The following SNX16 variants were observed in gnomAD, a reference collection of about 807,000 sequenced individuals.
The protein encoded by SNX16 is sorting nexin 16, also known as sorting nexin-16.
Under a neutral mutation model 36.7 loss-of-function variants are expected in SNX16, and 35 were observed. That is an observed-to-expected ratio of 0.95 (90% CI 0.73 to 1.27). SNX16 has a LOEUF of 1.27. SNX16 is among the 50% of genes most tolerant of loss of function. The pLI, the probability that SNX16 is intolerant of heterozygous loss-of-function variation, is 0.00. For synonymous variants in SNX16, 134 were observed against 132.0 expected, an observed-to-expected ratio of 1.02 and a Z score of -0.10; for missense variants, 367 against 393.6, an observed-to-expected ratio of 0.93 and a Z score of 0.57.
At chr8:81,815,488 A>C (rs1270832352) in intron 4 of SNX16, 94 bp from the exon 5 acceptor site, 5 of 929,536 alleles carry the variant, frequency 5.4e-6, no homozygotes, top group Non-Finnish European at 8.1e-6. Context: ...ACAGTGTTTT[A>C]AACAAGTTGG....
intron 5 of SNX16, among the ~76,000 whole-genome samples, chr8:81,805,309 A>G (rs1809879831): frequency 6.6e-6 from 1 of 152,166 alleles, no homozygotes; most frequent in South Asian, 2.1e-4. Context: ...AATATAAAAT[A>G]TGAACGAGAA....
intron 3 of SNX16, among the ~76,000 whole-genome samples, chr8:81,827,507 T>A (rs1011272038): frequency 2.0e-5 from 3 of 152,170 alleles, no homozygotes; most frequent in African/African-American, 7.2e-5. Context: ...ATTATAGATT[T>A]CAAATTCATC....
At chr8:81,837,267 T>C (rs2130768922) in intron 2 of SNX16, among the ~76,000 whole-genome samples, 1 of 152,348 alleles carries the variant, frequency 6.6e-6, no homozygotes, top group South Asian at 2.1e-4. Flanking sequence ...ATTAAAAAAA[T>C]GTTGAGTTAA....
intron 2 of SNX16, among the ~76,000 whole-genome samples, chr8:81,839,124 G>C (rs542379931): frequency 2.6e-5 from 4 of 152,182 alleles, no homozygotes; most frequent in Admixed American, 2.0e-4. Context: ...GGATCAACTG[G>C]AACTCTTATA....
rs1275685640 is a variant in SNX16, at chr8:81,801,585, T to C, written c.947A>G (p.Asn316Ser). 2 of 1,556,370 alleles carry C rather than the reference T, an allele frequency of 1.3e-6. No individual in the cohort carries two copies. Among genetic ancestry groups the C allele is most frequent in the Admixed American group, 3.8e-5 (2 of 53,102 alleles). The change falls in exon 8 of 8, where the codon AAT becomes AGT. Residue 316 changes from asparagine to serine, a missense_variant. Asn to Ser is a conservative substitution (Grantham distance 46). Coordinates refer to ENST00000345957, the MANE Select transcript of SNX16 (RefSeq NM_152836.3). ...TTCACTAAAACTTAAGCATGGTTTA[T>C]TATCAGCTCTGCAAAAAAAAAAAAA... ...DVLDEESRAD[N>S]KPCLSFSEPE...
chr8:81,824,039 G>A, intron 3 of SNX16, 99 bp from the exon 4 acceptor site: 2 of 1,125,016 alleles, frequency 1.8e-6, no homozygotes, highest in Non-Finnish European at 2.5e-6. Flanking sequence ...CATGAAATAA[G>A]TTTAAAATAA....
chr8:81,805,878 G>A (rs371068751), intron 5 of SNX16, among the ~76,000 whole-genome samples: 13 of 151,908 alleles, frequency 8.6e-5, no homozygotes, highest in African/African-American at 1.7e-4. Context: ...CCGAAATAGC[G>A]CCACTGCACT....
intron 3 of SNX16, among the ~76,000 whole-genome samples, chr8:81,828,399 T>C (rs1273045739): frequency 2.0e-5 from 3 of 152,196 alleles, no homozygotes; most frequent in African/African-American, 4.8e-5. Flanking sequence ...TTAAGTGTTT[T>C]CCAGGTTTAT....
intron 2 of SNX16, 86 bp downstream of exon 2, chr8:81,839,526 G>A (rs933019991): frequency 3.2e-6 from 4 of 1,265,372 alleles, no homozygotes; most frequent in Admixed American, 2.3e-5. Context: ...ATAAGTACAA[G>A]TTTACATTAA....
rs1811655418 is a variant in SNX16 at position 81,839,808 on chromosome 8, T to C, written c.179A>G (p.Gln60Arg). 1 of 1,613,740 alleles carries C rather than the reference T, an allele frequency of 6.2e-7. No individual in the cohort carries two copies. The highest frequency in any genetic ancestry group is 2.2e-5 in the East Asian group (1 of 44,860). The change falls in exon 2 of 8, where the codon CAA becomes CGA. Residue 60 changes from glutamine to arginine, a missense_variant. Coordinates refer to ENST00000345957, the MANE Select transcript of SNX16 (RefSeq NM_152836.3). ...ACAGACAGATGAAGTATTATCCATTTGATCAGGAACACTTGTCTGTTTAAA... is the reference window on the plus strand; with the variant it reads ...ACAGACAGATGAAGTATTATCCATTCGATCAGGAACACTTGTCTGTTTAAA... The part of the protein sequence containing the change: ...GNFKQTSVPD[Q>R]MDNTSSVCSS...
chr8:81,826,416 A>G (rs190960930), intron 3 of SNX16, among the ~76,000 whole-genome samples: 233 of 152,212 alleles, frequency 1.5e-3, no homozygotes, highest in Non-Finnish European at 2.5e-3. Flanking sequence ...GAGAACAGTA[A>G]TTTTACCTCA....
chr8:81,830,519 T>C (rs1239683055), intron 2 of SNX16, among the ~76,000 whole-genome samples: 1 of 143,366 alleles, frequency 7.0e-6, no homozygotes, highest in African/African-American at 2.6e-5. Context: ...TGCAGTGAGC[T>C]GACATTGCAC....
chr8:81,817,245 T>C (rs1182554130), intron 4 of SNX16, among the ~76,000 whole-genome samples: 1 of 152,232 alleles, frequency 6.6e-6, no homozygotes, highest in East Asian at 1.9e-4. Flanking sequence ...CCTCATACTT[T>C]AATGTTGCTT....
At chr8:81,822,726 C>A (rs540471301) in intron 4 of SNX16, among the ~76,000 whole-genome samples, 1 of 151,964 alleles carries the variant, frequency 6.6e-6, no homozygotes, top group South Asian at 2.1e-4. Context: ...AGTCTGCATA[C>A]TAAACTTTCA....
intron 2 of SNX16, among the ~76,000 whole-genome samples, chr8:81,838,539 T>C (rs768211766): frequency 6.6e-6 from 1 of 151,284 alleles, no homozygotes; most frequent in Non-Finnish European, 1.5e-5. Flanking sequence ...GAGAGTGGTC[T>C]TTCAAATAAA....
intron 2 of SNX16, among the ~76,000 whole-genome samples, chr8:81,833,060 G>T (rs1324055593): frequency 1.3e-5 from 2 of 151,406 alleles, no homozygotes; most frequent in African/African-American, 4.9e-5. Flanking sequence ...TGTGAAAAAA[G>T]ATGTAAACAG....
At chr8:81,821,597 TTC>T (rs1415286236) in intron 4 of SNX16, among the ~76,000 whole-genome samples, 1 of 152,092 alleles carries the variant, frequency 6.6e-6, no homozygotes, top group Non-Finnish European at 1.5e-5. Flanking sequence ...CACTAATCTT[TTC>T]TCTTTTTTCT....
chr8:81,829,406 G>C (rs777606675), intron 3 of SNX16, 24 bp downstream of exon 3: 87 of 1,097,172 alleles, frequency 7.9e-5, no homozygotes, highest in Non-Finnish European at 1.0e-4. Flanking sequence ...TGAAATGTTA[G>C]TTTGGATTTA....
intron 2 of SNX16, among the ~76,000 whole-genome samples, chr8:81,830,170 G>A (rs1811188482): frequency 6.6e-6 from 1 of 152,086 alleles, no homozygotes; most frequent in Admixed American, 6.5e-5. Context: ...GCCAAATCAA[G>A]AATGCAATCC....
Sources: gnomAD v4.1 joint callset for allele counts (sites outside exome capture counted in the v4.1 genomes callset) on GRCh38, gnomAD v4.1.1 for gene constraint, MANE v1.5 for transcripts, NCBI Gene and HGNC (gene_info 2026-07-23, HGNC 2026-07-21) for gene names.